The following EIF2AK1 variants were observed in gnomAD, a reference collection of about 807,000 sequenced individuals.
EIF2AK1 encodes eukaryotic translation initiation factor 2-alpha kinase 1.
In EIF2AK1, 54 loss-of-function variants were observed where a neutral mutation model predicts 77.9. The observed-to-expected ratio is 0.69, with a 90% CI of 0.56 to 0.87. The LOEUF is 0.87. Ranked by LOEUF, EIF2AK1 falls within the 40% of genes least tolerant of loss-of-function variation. The pLI is 0.00. For missense variants in EIF2AK1, 810 were observed against 768.6 expected (o/e 1.05, Z -0.64); for synonymous variants, 314 against 290.5 (o/e 1.08, Z -0.82).
Position 6,027,670 on chromosome 7 carries a change from A to G in EIF2AK1, c.1531-709T>C, listed in dbSNP as rs1034104148. Among the ~76,000 whole-genome samples the G allele has an allele frequency of 6.6e-6, 1 of 151,982 alleles. No homozygotes were observed. Among genetic ancestry groups the G allele is most frequent in the African/African-American group, 2.4e-5 (1 of 41,364 alleles). ...GGCTTCCCCTTGGTGTTTATTTACC[A>G]AAGCTTGAAAAAAACCAATGAGAAG... On this transcript the variant is annotated intron_variant, in intron 13 of 14. Transcript: ENST00000199389. The surrounding 1 kb of genome is among the most constrained non-coding windows in gnomAD (Gnocchi z 4.5).
intron 7 of EIF2AK1, among the ~76,000 whole-genome samples, chr7:6,044,337 G>A (rs1788386348): frequency 6.6e-6 from 1 of 151,534 alleles, no homozygotes; most frequent in Non-Finnish European, 1.5e-5. Flanking sequence ...TGGCCGTGGT[G>A]GCGGGCACCT....
chr7:6,035,089 C>T lies in EIF2AK1; in HGVS notation c.1332+2335G>A, dbSNP rs1186227166. Among the ~76,000 whole-genome samples, 1 of 152,136 alleles carries T rather than the reference C, an allele frequency of 6.6e-6. No individual in the cohort carries two copies. The highest frequency in any genetic ancestry group is 2.4e-5 in the African/African-American group (1 of 41,424). Reference sequence around the variant, plus strand: ...CCAGACTGCAGAAATCACTAAGATACAGCCTTGAAGGGACACAGCCCTAGC... The same window carrying T: ...CCAGACTGCAGAAATCACTAAGATATAGCCTTGAAGGGACACAGCCCTAGC... On this transcript the variant is annotated intron_variant, in intron 11 of 14. Coordinates refer to ENST00000199389, the MANE Select transcript of EIF2AK1 (RefSeq NM_014413.4). The surrounding 1 kb of genome is among the most constrained non-coding windows in gnomAD (Gnocchi z 5.5).
chr7:6,030,352 C>T (rs11766581), intron 11 of EIF2AK1, among the ~76,000 whole-genome samples: 103,685 of 151,898 alleles, frequency 0.68, 35,708 homozygotes, highest in East Asian at 0.85. Flanking sequence ...GGAGATAAAT[C>T]ACCTGTTGTA....
chr7:6,029,040 C>G lies in EIF2AK1; in HGVS notation c.1333-8G>C. 2 of 1,593,430 alleles carry G rather than the reference C, an allele frequency of 1.3e-6. No homozygotes were observed. Among genetic ancestry groups the G allele is most frequent in the Non-Finnish European group, 8.6e-7 (1 of 1,166,552 alleles). Reference sequence around the variant, plus strand: ...AAGAAAAATATTTCTTGGCTATCAACAAACAAAACAAGTCAACTCCTTGGC... The same window carrying G: ...AAGAAAAATATTTCTTGGCTATCAAGAAACAAAACAAGTCAACTCCTTGGC... On this transcript the variant is annotated splice_polypyrimidine_tract_variant and splice_region_variant and intron_variant, in intron 11 of 14. Transcript: ENST00000199389.
chr7:6,056,613 A>AAAAAAAAAATATATATATATAT, intron 1 of EIF2AK1, among the ~76,000 whole-genome samples: 1 of 43,728 alleles, frequency 2.3e-5, no homozygotes, highest in African/African-American at 8.2e-5. Flanking sequence ...AAAAAAAAAA[A>AAAAAAAAAATATATATATATAT]ATATATATAT....
chr7:6,042,633 G>A (rs556590103), intron 8 of EIF2AK1, among the ~76,000 whole-genome samples: 5 of 152,190 alleles, frequency 3.3e-5, no homozygotes, highest in East Asian at 3.9e-4. Flanking sequence ...TTGGGAGGCC[G>A]AGGTGGGCAC....
At chr7:6,028,066 A>C (rs1324670971) in intron 13 of EIF2AK1, 1 of 366,292 alleles carries the variant, frequency 2.7e-6, no homozygotes, top group African/African-American at 2.2e-5. Context: ...CTGTCTCAAA[A>C]ACAACAAATG....
intron 8 of EIF2AK1, among the ~76,000 whole-genome samples, chr7:6,041,476 T>C (rs779125026): frequency 1.3e-5 from 2 of 150,116 alleles, no homozygotes; most frequent in Non-Finnish European, 3.0e-5. Context: ...GAGATGGAGG[T>C]TATAGTGAGC....
rs1475198866 is a variant in EIF2AK1, at chr7:6,046,147, C to G, written c.554G>C (p.Arg185Thr). 10 of 1,525,890 alleles carry G rather than the reference C, an allele frequency of 6.6e-6. No homozygotes were observed. Among genetic ancestry groups the G allele is most frequent in the Non-Finnish European group, 8.8e-6 (10 of 1,132,232 alleles). The allele number at this position is 1,525,890 out of a possible 1,614,324, so 94.5% of individuals were successfully genotyped here. Residue 185 changes from arginine to threonine, a missense_variant, in exon 6 of 15, where the codon AGG (arginine) becomes ACG (threonine). Arg to Thr is a moderately conservative substitution (Grantham distance 71). Transcript: ENST00000199389. ...KGGYGRVYKV[R>T]NKLDGQYYAI... is the part of the protein sequence containing the mutation. ...ATAATACTGACCATCTAATTTATTC[C>G]TGACCTGAAAAGTAGAAAAAAAGAC... is the stretch of plus-strand genomic sequence containing the variant.
chr7:6,033,020 G>A lies in EIF2AK1; in HGVS notation c.1333-3988C>T, dbSNP rs1787962620. ...GTCTCGCTCTGTTGCCCAGGCTGGA[G>A]TGCAATGGCACAATCTCGCCTCACT... On this transcript the variant is annotated intron_variant, in intron 11 of 14. Coordinates refer to ENST00000199389, the MANE Select transcript of EIF2AK1 (RefSeq NM_014413.4). The surrounding 1 kb of genome is among the most constrained non-coding windows in gnomAD (Gnocchi z 4.4). 1.6e-6 allele frequency: 2 copies of A among 1,214,486 alleles called. No individual in the cohort carries two copies. The highest frequency in any genetic ancestry group is 2.3e-6 in the Non-Finnish European group (2 of 868,016). 75.2% of individuals were successfully genotyped at this position (1,214,486 alleles called of 1,614,324 possible). A position where few individuals can be genotyped will look rare whatever the true frequency, so the allele number is the denominator to read the frequency against.
chr7:6,029,056 A>G, intron 11 of EIF2AK1, 24 bp from the exon 12 acceptor site: 1 of 1,554,692 alleles, frequency 6.4e-7, no homozygotes, highest in Non-Finnish European at 8.8e-7. Context: ...AAACAAGTCA[A>G]CTCCTTGGCT....
At position 6,026,709 on chromosome 7, in the gene EIF2AK1, G is replaced by C. The variant is rs1787757135; in HGVS notation, c.1764+19C>G. 1 of 1,601,814 alleles carries C rather than the reference G, an allele frequency of 6.2e-7. No homozygotes were observed. Among genetic ancestry groups the C allele is most frequent in the Non-Finnish European group, 8.6e-7 (1 of 1,168,864 alleles). Reference sequence around the variant, plus strand: ...AAAACCACCTTCACTCCAGGACCAAGAGAAAGAAAAGCACATACATTTCCA... The same window carrying C: ...AAAACCACCTTCACTCCAGGACCAACAGAAAGAAAAGCACATACATTTCCA... On this transcript the variant is annotated intron_variant, in intron 14 of 14. Transcript: ENST00000199389.
At chr7:6,057,494 T>C (rs1326393313) in intron 1 of EIF2AK1, 1 of 151,402 alleles carries the variant, frequency 6.6e-6, no homozygotes, top group Non-Finnish European at 1.5e-5. Flanking sequence ...AAAATCTCCC[T>C]GAATCGTGCT....
intron 2 of EIF2AK1, 30 bp downstream of exon 2, chr7:6,054,512 CTTTA>C (rs1229265841): frequency 1.2e-6 from 2 of 1,610,324 alleles, no homozygotes; most frequent in African/African-American, 2.7e-5. Context: ...CCTTTACAAG[CTTTA>C]TTTAGCAAGA....
At chr7:6,044,393 C>A (rs1173878689) in intron 7 of EIF2AK1, among the ~76,000 whole-genome samples, 169 bp downstream of exon 7, 1 of 152,012 alleles carries the variant, frequency 6.6e-6, no homozygotes, top group African/African-American at 2.4e-5. Context: ...ATGGTGTGAA[C>A]CCAGGAGGCG....
Position 6,028,703 on chromosome 7 carries a change from A to G in EIF2AK1, c.1448-6T>C, listed in dbSNP as rs372082679. 23 of 1,613,848 alleles carry G rather than the reference A, an allele frequency of 1.4e-5. No homozygotes were observed. The African/African-American group carries it at 3.1e-4, about 22-fold the overall frequency. ...GGACGTATGTGTTGGTGTTCCTATC[A>G]TTTCAAAAGCCACATATTAAACATT... On this transcript the variant is annotated splice_polypyrimidine_tract_variant and splice_region_variant and intron_variant, in intron 12 of 14. Coordinates refer to ENST00000199389, the MANE Select transcript of EIF2AK1 (RefSeq NM_014413.4).
rs758550375 is a variant in EIF2AK1 at position 6,045,109 on chromosome 7, AT to A, written c.631-449del. On this transcript the variant is annotated intron_variant, in intron 6 of 14. Coordinates refer to ENST00000199389, the MANE Select transcript of EIF2AK1 (RefSeq NM_014413.4). The stretch of plus-strand genomic sequence containing the variant: ...TCTACACTATGTTAAAATAATAGAA[AT>A]TTTTTTTTTTTTTTTGAGACAGAGT... Among the ~76,000 whole-genome samples the A allele has an allele frequency of 4.3e-3, 623 of 144,122 alleles. 2 individuals are homozygous for A. The highest frequency in any genetic ancestry group is 6.8e-3 in the African/African-American group (269 of 39,456). 94.5% of individuals were successfully genotyped at this position (144,122 alleles called of 152,430 possible).
At position 6,040,999 on chromosome 7, in the gene EIF2AK1, T is replaced by G. The variant is rs144096212; in HGVS notation, c.1012A>C (p.Ile338Leu). Residue 338 changes from isoleucine (I) to leucine (L), a missense_variant, in exon 9 of 15, where the codon ATT (isoleucine) becomes CTT (leucine). Around this residue, in one of 3 missense-constraint regions of EIF2AK1, gnomAD observed 549 missense variants for 533.7 expected, o/e 1.03. Coordinates refer to ENST00000199389, the MANE Select transcript of EIF2AK1 (RefSeq NM_014413.4). ...NGLAGLSASS[I>L]VEQQLPLRRN... is the part of the protein sequence containing the mutation. ...CTGAGTGGCAGCTGCTGTTCCACAA[T>G]TGAACTGGCAGACAAACCAGCCAAG... 1 of 1,614,180 alleles carries G rather than the reference T, an allele frequency of 6.2e-7. No individual in the cohort carries two copies.
Position 6,035,446 on chromosome 7 carries a change from A to G in EIF2AK1, c.1332+1978T>C. On this transcript the variant is annotated intron_variant, in intron 11 of 14. Coordinates refer to ENST00000199389, the MANE Select transcript of EIF2AK1 (RefSeq NM_014413.4). The surrounding 1 kb of genome is among the most constrained non-coding windows in gnomAD (Gnocchi z 5.5). Reference sequence around the variant, plus strand: ...CGTGTAATCAATACCCATTCTAGGGACACGACAGGCCTCACCACACTCAAC... The same window carrying G: ...CGTGTAATCAATACCCATTCTAGGGGCACGACAGGCCTCACCACACTCAAC... 1 of 1,549,012 alleles carries G rather than the reference A, an allele frequency of 6.5e-7. No homozygotes were observed. The highest frequency in any genetic ancestry group is 8.7e-7 in the Non-Finnish European group (1 of 1,145,644).
Sources: gnomAD v4.1 joint callset for allele counts (sites outside exome capture counted in the v4.1 genomes callset) on GRCh38, gnomAD v4.1.1 for gene constraint, gnomAD v4.1.1 regional missense constraint, Gnocchi (gnomAD v3.1) non-coding constraint, MANE v1.5 for transcripts, NCBI Gene and HGNC (gene_info 2026-07-23, HGNC 2026-07-21) for gene names.